Variants in RBFOX1 observed in about 807,000 individuals in gnomAD.
The protein encoded by RBFOX1 is RNA binding fox-1 homolog 1, also known as RNA binding protein fox-1 homolog 1.
RBFOX1 carries 8 observed loss-of-function variants against 57.7 expected under a neutral mutation model. That is an observed-to-expected ratio of 0.14 (90% confidence interval 0.08 to 0.25). RBFOX1 has a LOEUF of 0.25. RBFOX1 is among the 10% of genes least tolerant of loss of function. The pLI is 1.00. For synonymous variants in RBFOX1, 326 were observed against 222.4 expected (o/e 1.47, Z -4.15); for missense variants, 611 against 548.5 (o/e 1.11, Z -1.14).
intron 4 of RBFOX1, among the ~76,000 whole-genome samples, chr16:5,921,278 C>T (rs929082168): frequency 6.6e-6 from 1 of 152,156 alleles, no homozygotes; most frequent in East Asian, 1.9e-4. Flanking sequence ...CCCTCTTTCG[C>T]CTCCCTTCTC....
chr16:6,970,304 C>G (rs1376703906), intron 3 of RBFOX1, among the ~76,000 whole-genome samples: 1 of 152,138 alleles, frequency 6.6e-6, no homozygotes, highest in Non-Finnish European at 1.5e-5. Context: ...ATCACCTAGA[C>G]TATTTCTGTC....
chr16:7,015,207 G>A (rs921968360), intron 3 of RBFOX1, among the ~76,000 whole-genome samples: 2 of 152,150 alleles, frequency 1.3e-5, no homozygotes, highest in African/African-American at 4.8e-5. Context: ...GATGCATCCA[G>A]TGGCATTGTG....
At chr16:5,678,730 T>C (rs2050242535) in intron 3 of RBFOX1, among the ~76,000 whole-genome samples, 1 of 152,214 alleles carries the variant, frequency 6.6e-6, no homozygotes, top group Non-Finnish European at 1.5e-5. Context: ...ACATGGAGTT[T>C]GTCGACATTT....
chr16:5,830,407 A>T (rs1180365657), intron 3 of RBFOX1, among the ~76,000 whole-genome samples: 1 of 151,658 alleles, frequency 6.6e-6, no homozygotes, highest in East Asian at 1.9e-4. Context: ...TTCTGTAAAC[A>T]TGAATGTGAC....
At chr16:5,706,950 C>T (rs902295359) in intron 3 of RBFOX1, among the ~76,000 whole-genome samples, 7 of 152,076 alleles carry the variant, frequency 4.6e-5, no homozygotes, top group Admixed American at 6.5e-5. Flanking sequence ...ATACACAGTC[C>T]GTTTTCAGCA....
intron 4 of RBFOX1, among the ~76,000 whole-genome samples, chr16:7,282,285 G>T (rs141479967): frequency 6.6e-6 from 1 of 152,260 alleles, no homozygotes; most frequent in African/African-American, 2.4e-5. Flanking sequence ...TTGCAAAGGG[G>T]ATTTCATTTA....
chr16:6,874,381 G>A (rs750136302), intron 3 of RBFOX1, among the ~76,000 whole-genome samples: 2 of 151,852 alleles, frequency 1.3e-5, no homozygotes, highest in Non-Finnish European at 2.9e-5. Context: ...ATATTGGCAG[G>A]TGCCTGTAGT....
chr16:7,028,782 C>T (rs2041782284), intron 3 of RBFOX1, among the ~76,000 whole-genome samples: 1 of 151,218 alleles, frequency 6.6e-6, no homozygotes, highest in Non-Finnish European at 1.5e-5. Context: ...GTTTGGAAAC[C>T]ATGGAACATC....
At chr16:7,089,808 T>C (rs895145688) in intron 4 of RBFOX1, among the ~76,000 whole-genome samples, 1 of 152,206 alleles carries the variant, frequency 6.6e-6, no homozygotes, top group African/African-American at 2.4e-5. Flanking sequence ...TAGGGCTACA[T>C]GGCTTTATTA....
chr16:7,195,527 C>T (rs1008405181), intron 4 of RBFOX1, among the ~76,000 whole-genome samples: 34 of 152,230 alleles, frequency 2.2e-4, no homozygotes, highest in African/African-American at 8.2e-4. Flanking sequence ...ACGATGCTTG[C>T]TCTTGCTCTC....
rs137870156 is a variant in RBFOX1, at chr16:5,400,845, T to G, written c.220-66371T>G. The stretch of plus-strand genomic sequence containing the variant: ...CACTTTGATAGGAGAGAAGTGGTCA[T>G]ATTTTCATGTGTTTATTTGCCATTT... On this transcript the variant is annotated intron_variant, in intron 1 of 2. Coordinates refer to the RBFOX1 transcript ENST00000585867. Among the ~76,000 whole-genome samples, 178 of 152,340 alleles carry G rather than the reference T, an allele frequency of 1.2e-3. 3 individuals carry two copies. In the East Asian group the frequency reaches 0.027, roughly 23 times the overall value.
intron 3 of RBFOX1, among the ~76,000 whole-genome samples, chr16:6,805,508 A>T (rs2086544027): frequency 6.6e-6 from 1 of 152,266 alleles, no homozygotes; most frequent in East Asian, 1.9e-4. Context: ...TATGTAATGA[A>T]CCTGTACATG....
chr16:5,534,328 C>T (rs920109258), intron 2 of RBFOX1, among the ~76,000 whole-genome samples: 1 of 152,128 alleles, frequency 6.6e-6, no homozygotes, highest in Non-Finnish European at 1.5e-5. Flanking sequence ...AGAATTGACT[C>T]ATACGATCAG....
chr16:6,983,580 G>C (rs761216671), intron 3 of RBFOX1: 6 of 152,026 alleles, frequency 3.9e-5, no homozygotes, highest in Non-Finnish European at 4.4e-5. Context: ...GTAAATTAAA[G>C]TATCATAAAA....
chr16:5,644,170 T>A (rs2048972196), intron 3 of RBFOX1, among the ~76,000 whole-genome samples: 1 of 152,256 alleles, frequency 6.6e-6, no homozygotes, highest in African/African-American at 2.4e-5. Context: ...CCATAAGGTA[T>A]AATTTTAGCC....
intron 3 of RBFOX1, among the ~76,000 whole-genome samples, chr16:6,865,213 G>T (rs12927462): frequency 0.2 from 30,494 of 151,676 alleles, 3,242 homozygotes; most frequent in East Asian, 0.28. Flanking sequence ...ATGTTGGCCA[G>T]GCTGGTCTCG....
At chr16:7,518,491 A>T (rs1422883468) in intron 5 of RBFOX1, 102 bp downstream of exon 5, 1 of 1,470,030 alleles carries the variant, frequency 6.8e-7, no homozygotes, top group African/African-American at 1.4e-5. Flanking sequence ...GGACTCTGGG[A>T]AACAGATCAG....
chr16:6,635,062 A>G (rs2098420848), intron 2 of RBFOX1, among the ~76,000 whole-genome samples: 1 of 125,936 alleles, frequency 7.9e-6, no homozygotes, highest in Non-Finnish European at 1.6e-5. Context: ...GTTTAAATAT[A>G]TGTTATATAT....
intron 4 of RBFOX1, among the ~76,000 whole-genome samples, chr16:7,298,646 A>C (rs1276285587): frequency 1.3e-5 from 2 of 152,162 alleles, no homozygotes; most frequent in African/African-American, 2.4e-5. Flanking sequence ...CCCACTATCG[A>C]CTCAAAGCCA....
Sources: allele counts gnomAD v4.1 joint callset (sites outside exome capture counted in the v4.1 genomes callset), GRCh38; gene constraint gnomAD v4.1.1; transcripts MANE v1.5; gene names NCBI Gene and HGNC (gene_info 2026-07-23, HGNC 2026-07-21).